SOX5: variants seen among roughly 807,000 people sequenced by gnomAD.
SOX5 encodes SRY-box transcription factor 5, also known as transcription factor SOX-5.
A neutral mutation model predicts 92.0 loss-of-function variants in SOX5; 9 were observed. The observed-to-expected ratio is 0.10, with a 90% CI of 0.06 to 0.17. SOX5 has a LOEUF of 0.17. Among genes scored for constraint, SOX5 ranks in the 10% least tolerant of loss-of-function variants. SOX5 has a pLI of 1.00. For missense variants in SOX5, 642 were observed against 944.5 expected (o/e 0.68, Z 4.20); for synonymous variants, 344 against 336.3 (o/e 1.02, Z -0.25).
intron 2 of SOX5, among the ~76,000 whole-genome samples, chr12:24,343,404 G>C (rs1258707858): frequency 6.6e-6 from 1 of 151,468 alleles, no homozygotes; most frequent in Non-Finnish European, 1.5e-5. Flanking sequence ...TTCACTTCAG[G>C]TAAGCTAAAC....
chr12:23,595,388 C>T (rs563519908), intron 9 of SOX5, among the ~76,000 whole-genome samples: 9 of 152,006 alleles, frequency 5.9e-5, no homozygotes, highest in African/African-American at 1.4e-4. Context: ...TTTGGGAGGC[C>T]GAGGCCGGCG....
intron 2 of SOX5, among the ~76,000 whole-genome samples, chr12:23,881,962 T>C (rs2096996788): frequency 6.6e-6 from 1 of 152,096 alleles, no homozygotes; most frequent in Non-Finnish European, 1.5e-5. Flanking sequence ...ATTTATATGA[T>C]AGGAAATAAA....
intron 4 of SOX5, chr12:24,212,401 G>GAAAACTGAA: frequency 1.9e-6 from 1 of 533,652 alleles, no homozygotes; most frequent in Non-Finnish European, 3.8e-6. Context: ...TCTGTATAAT[G>GAAAACTGAA]AAAACTGAAA....
chr12:24,401,146 G>C (rs1013810291), intron 1 of SOX5, among the ~76,000 whole-genome samples: 1 of 152,124 alleles, frequency 6.6e-6, no homozygotes, highest in Non-Finnish European at 1.5e-5. Context: ...GAGGTCAGGA[G>C]TTCAAGACCA....
chr12:23,843,358 T>G (rs2096539593), intron 3 of SOX5, among the ~76,000 whole-genome samples: 1 of 152,164 alleles, frequency 6.6e-6, no homozygotes, highest in South Asian at 2.1e-4. Context: ...TGGTTCATTA[T>G]TTTAACAAAT....
intron 1 of SOX5, among the ~76,000 whole-genome samples, chr12:24,371,033 GTTATA>G (rs1317069177): frequency 3.9e-5 from 6 of 152,120 alleles, no homozygotes; most frequent in African/African-American, 1.4e-4. Context: ...CCATGAATAG[GTTATA>G]TTATATAACA....
intron 1 of SOX5, among the ~76,000 whole-genome samples, chr12:23,924,679 T>C (rs1223978545): frequency 6.6e-6 from 1 of 152,018 alleles, no homozygotes; most frequent in African/African-American, 2.4e-5. Flanking sequence ...AGGAAAGGAA[T>C]TTTGAAAAAA....
At chr12:24,423,747 G>A (rs889008185) in intron 1 of SOX5, among the ~76,000 whole-genome samples, 1 of 152,214 alleles carries the variant, frequency 6.6e-6, no homozygotes, top group African/African-American at 2.4e-5. Context: ...GCCTCAAGGG[G>A]CATGGTGGTG....
chr12:23,584,852 T>A (rs1391407486), intron 9 of SOX5, among the ~76,000 whole-genome samples: 1 of 152,148 alleles, frequency 6.6e-6, no homozygotes, highest in Non-Finnish European at 1.5e-5. Flanking sequence ...GTAGCATTCA[T>A]ATCACTGTAT....
chr12:23,777,509 T>A (rs2095141761), intron 3 of SOX5, among the ~76,000 whole-genome samples: 1 of 152,188 alleles, frequency 6.6e-6, no homozygotes, highest in African/African-American at 2.4e-5. Context: ...GTACACTGAT[T>A]ATGTCAGAGA....
chr12:23,822,955 T>C (rs528686868), intron 3 of SOX5, among the ~76,000 whole-genome samples: 1 of 152,302 alleles, frequency 6.6e-6, no homozygotes, highest in East Asian at 1.9e-4. Flanking sequence ...TTTTTTTGCT[T>C]TCCATTTGCT....
At chr12:24,221,162 T>C (rs1205294223) in intron 3 of SOX5, among the ~76,000 whole-genome samples, 4 of 152,242 alleles carry the variant, frequency 2.6e-5, no homozygotes, top group Non-Finnish European at 4.4e-5. Flanking sequence ...TTCCCCATTT[T>C]GTTTTCAAGT....
At chr12:24,536,777 C>T (rs1049863317) in intron 1 of SOX5, among the ~76,000 whole-genome samples, 1 of 152,132 alleles carries the variant, frequency 6.6e-6, no homozygotes, top group Non-Finnish European at 1.5e-5. Context: ...TTCATCACTA[C>T]ATTAAAATAA....
At chr12:24,402,046 G>T (rs1410055638) in intron 1 of SOX5, among the ~76,000 whole-genome samples, 1 of 152,122 alleles carries the variant, frequency 6.6e-6, no homozygotes, top group East Asian at 1.9e-4. Context: ...TAGATGCCTA[G>T]AGAGAGTTCA....
chr12:24,239,907 G>A (rs1040842775), intron 3 of SOX5, among the ~76,000 whole-genome samples: 1 of 152,140 alleles, frequency 6.6e-6, no homozygotes, highest in African/African-American at 2.4e-5. Context: ...TATGTTTGAT[G>A]AGGGTACAGA....
intron 1 of SOX5, among the ~76,000 whole-genome samples, chr12:24,375,306 C>T (rs1483236621): frequency 6.6e-6 from 1 of 152,032 alleles, no homozygotes; most frequent in African/African-American, 2.4e-5. Context: ...GCATCCTAGG[C>T]CCCTCCTTCA....
chr12:24,117,634 G>T (rs931408531), intron 4 of SOX5, among the ~76,000 whole-genome samples: 1 of 152,162 alleles, frequency 6.6e-6, no homozygotes, highest in Middle Eastern at 3.2e-3. Context: ...ACTATCCAGC[G>T]TTAGAATAGA....
At chr12:24,123,614 G>A (rs992335069) in intron 4 of SOX5, among the ~76,000 whole-genome samples, 14 of 152,158 alleles carry the variant, frequency 9.2e-5, no homozygotes, top group African/African-American at 3.4e-4. Flanking sequence ...ATATGCTGCA[G>A]TAAGTTATAG....
chr12:23,879,607 A>T (rs887104834), intron 2 of SOX5, among the ~76,000 whole-genome samples: 1 of 152,158 alleles, frequency 6.6e-6, no homozygotes, highest in Admixed American at 6.5e-5. Flanking sequence ...GGCCAATCTT[A>T]AATTAATGTA....
Sources: gnomAD v4.1 joint callset for allele counts (sites outside exome capture counted in the v4.1 genomes callset) on GRCh38, gnomAD v4.1.1 for gene constraint, MANE v1.5 for transcripts, NCBI Gene and HGNC (gene_info 2026-07-23, HGNC 2026-07-21) for gene names.